UNC5A: variants seen among roughly 807,000 people sequenced by gnomAD.
The protein encoded by UNC5A is netrin receptor UNC5A.
In UNC5A, 20 loss-of-function variants were observed where a neutral mutation model predicts 87.4. That is an observed-to-expected ratio of 0.23 (90% CI 0.16 to 0.33). The LOEUF (loss-of-function observed/expected upper bound fraction) is 0.33. Ranked by LOEUF, UNC5A falls within the 10% of genes least tolerant of loss-of-function variation. The pLI is 1.00. For missense variants in UNC5A, 844 were observed against 1,133.4 expected (o/e 0.74, Z 3.67); for synonymous variants, 438 against 482.3 (o/e 0.91, Z 1.20).
At position 176,868,622 on chromosome 5, in the gene UNC5A, C is replaced by T. The variant is rs752157930; in HGVS notation, c.498C>T (p.Ile166=). ...AGGAGGTGTCCCTGGAGCAGGGCAT[C>T]GTGCTGCCCTGCCGTCCACCGGAGG... is the stretch of plus-strand genomic sequence containing the variant. ...LAKEVSLEQG[I]VLPCRPPEGI... is the part of the protein sequence containing the mutation. The change falls in exon 4 of 15, where the codon ATC becomes ATT. Residue 166 remains isoleucine (I), a synonymous_variant. Coordinates refer to ENST00000329542, the MANE Select transcript of UNC5A (RefSeq NM_133369.3). 3.7e-6 allele frequency: 6 copies of T among 1,606,232 alleles called. No homozygotes were observed. The highest frequency in any genetic ancestry group is 2.2e-5 in the South Asian group (2 of 90,260).
chr5:176,833,520 T>C (rs1420171471), intron 1 of UNC5A, among the ~76,000 whole-genome samples: 2 of 152,154 alleles, frequency 1.3e-5, no homozygotes, highest in Non-Finnish European at 2.9e-5. Context: ...ATGTACCACA[T>C]GTTCTTTATC....
intron 1 of UNC5A, among the ~76,000 whole-genome samples, chr5:176,858,086 C>T (rs1158871728): frequency 6.6e-6 from 1 of 152,230 alleles, no homozygotes; most frequent in Non-Finnish European, 1.5e-5. Context: ...GCGGTAGGCA[C>T]CCCACCCCGA....
In UNC5A at chr5:176,869,726, C is replaced by T. The variant is rs577343870; in HGVS notation, c.722-644C>T. On this transcript the variant is annotated intron_variant, in intron 5 of 14. Coordinates refer to ENST00000329542, the MANE Select transcript of UNC5A (RefSeq NM_133369.3). The surrounding 1 kb of genome is among the most constrained non-coding windows in gnomAD (Gnocchi z 9.1). ...CCAACCCGGCGCCTCTCAACGGGGG[C>T]GCTTTCTGTGAGGGGCAGAATGTCC... 34 of 656,054 alleles carry T rather than the reference C, an allele frequency of 5.2e-5. No homozygotes were observed. Among genetic ancestry groups the T allele is most frequent in the Admixed American group, 2.7e-4 (12 of 44,874 alleles). 40.6% of individuals were successfully genotyped at this position (656,054 alleles called of 1,614,324 possible). A position where few individuals can be genotyped will look rare whatever the true frequency, so the allele number is the denominator to read the frequency against.
At chr5:176,843,935 C>A (rs1000625707) in intron 1 of UNC5A, among the ~76,000 whole-genome samples, 1 of 152,262 alleles carries the variant, frequency 6.6e-6, no homozygotes, top group African/African-American at 2.4e-5. Context: ...TCCCGCTGAT[C>A]GTGTGAGGCG....
rs1757347066 is a variant in UNC5A at position 176,844,205 on chromosome 5, A to G, written c.71-18419A>G. Among the ~76,000 whole-genome samples the G allele has an allele frequency of 6.6e-6, 1 of 152,156 alleles. No homozygotes were observed. On this transcript the variant is annotated intron_variant, in intron 1 of 14. Transcript: ENST00000329542. The surrounding 1 kb of genome is among the most constrained non-coding windows in gnomAD (Gnocchi z 4.2). ...ATTGTAGCGTCTCAGGGGACAGATC[A>G]GAGGCCCCAGGCCTTGCCTGATCCT...
At chr5:176,852,246 A>T (rs1297552183) in intron 1 of UNC5A, among the ~76,000 whole-genome samples, 3 of 151,972 alleles carry the variant, frequency 2.0e-5, no homozygotes, top group Non-Finnish European at 4.4e-5. Context: ...GCTCACACAC[A>T]CTCACACACA....
intron 1 of UNC5A, among the ~76,000 whole-genome samples, chr5:176,835,303 G>T (rs1039591672): frequency 1.3e-5 from 2 of 152,240 alleles, no homozygotes; most frequent in African/African-American, 4.8e-5. Flanking sequence ...GGGGCTCAGG[G>T]CCACCTGCCA....
intron 1 of UNC5A, among the ~76,000 whole-genome samples, chr5:176,842,442 A>T (rs146214908): frequency 6.6e-6 from 1 of 152,074 alleles, no homozygotes; most frequent in Non-Finnish European, 1.5e-5. Context: ...ACAATTGCAC[A>T]GTCGTGGAAC....
Position 176,878,666 on chromosome 5 carries a change from C to T in UNC5A, c.2184+27C>T, listed in dbSNP as rs570859484. 11 of 1,596,564 alleles carry T rather than the reference C, an allele frequency of 6.9e-6. No homozygotes were observed. In the East Asian group the frequency reaches 9.0e-5, roughly 13 times the overall value. ...TGGACGGGAGGGGCTGCCGCACCGC[C>T]GTGACGTGCTCCCACTACCAACTCC... On this transcript the variant is annotated intron_variant, in intron 13 of 14. Transcript: ENST00000329542.
At chr5:176,852,919 A>G (rs1297817502) in intron 1 of UNC5A, among the ~76,000 whole-genome samples, 1 of 152,226 alleles carries the variant, frequency 6.6e-6, no homozygotes, top group Non-Finnish European at 1.5e-5. Context: ...GACATGTTTT[A>G]CGGAAGAGTA....
rs1437716920 is a variant in UNC5A, at chr5:176,810,981, G to T, written c.70+161G>T. ...CGCGGGGGGCTCTTCTTGCTGCTGC[G>T]CAGCTTCCCCGCGCGCTCTCCCGGA... is the stretch of plus-strand genomic sequence containing the variant. On this transcript the variant is annotated intron_variant, in intron 1 of 14. Coordinates refer to ENST00000329542, the MANE Select transcript of UNC5A (RefSeq NM_133369.3). The surrounding 1 kb of genome is among the most constrained non-coding windows in gnomAD (Gnocchi z 7.3). Among the ~76,000 whole-genome samples the T allele has an allele frequency of 6.6e-6, 1 of 151,976 alleles. No individual in the cohort carries two copies. Among genetic ancestry groups the T allele is most frequent in the African/African-American group, 2.4e-5 (1 of 41,394 alleles).
intron 6 of UNC5A, among the ~76,000 whole-genome samples, chr5:176,871,021 CG>C (rs1561666775): frequency 4.9e-5 from 2 of 40,904 alleles, no homozygotes; most frequent in South Asian, 1.2e-3. Context: ...TGCCCACACT[CG>C]CCCCACACCA....
chr5:176,879,912 T>C lies in UNC5A; in HGVS notation c.*26T>C, dbSNP rs1450576866. 1 of 1,599,636 alleles carries C rather than the reference T, an allele frequency of 6.3e-7. No homozygotes were observed. The highest frequency in any genetic ancestry group is 1.3e-5 in the African/African-American group (1 of 74,530). ...GGCCGGCCAGGCCCGACACCTACAC[T>C]CTCACCAGCTTTGGCACCCACCAAG... On this transcript the variant is annotated 3_prime_UTR_variant, in exon 15 of 15. Coordinates refer to ENST00000329542, the MANE Select transcript of UNC5A (RefSeq NM_133369.3).
intron 1 of UNC5A, among the ~76,000 whole-genome samples, chr5:176,846,827 TG>T (rs1246189002): frequency 1.3e-5 from 2 of 152,118 alleles, no homozygotes; most frequent in Non-Finnish European, 2.9e-5. Context: ...CGGAGGGAGC[TG>T]GGGCTGCTGG....
intron 1 of UNC5A, among the ~76,000 whole-genome samples, chr5:176,825,649 C>T (rs1184647579): frequency 3.9e-5 from 6 of 152,126 alleles, no homozygotes; most frequent in South Asian, 2.1e-4. Context: ...TGTACTTGCA[C>T]GAAAGCTCTC....
intron 1 of UNC5A, among the ~76,000 whole-genome samples, chr5:176,861,498 G>A (rs773319974): frequency 1.4e-4 from 21 of 152,328 alleles, no homozygotes; most frequent in Non-Finnish European, 2.2e-4. Context: ...GGGTCCCTGC[G>A]CAAGCAGGAG....
Position 176,866,890 on chromosome 5 carries a change from T to G in UNC5A, c.293-1240T>G, listed in dbSNP as rs1757987919. 6.6e-6 allele frequency among the ~76,000 whole-genome samples: 1 copy of G among 152,142 alleles called. No individual in the cohort carries two copies. The highest frequency in any genetic ancestry group is 1.5e-5 in the Non-Finnish European group (1 of 68,032). ...CCATGATCTCACCAGAGGTGACAGC[T>G]CTGCCATCTCCTATGATAGCTGGCC... On this transcript the variant is annotated intron_variant, in intron 2 of 14. Transcript: ENST00000329542. This position sits in a 1 kb window ranked among gnomAD's most constrained non-coding sequence, Gnocchi z 5.0.
chr5:176,879,876 C>CTTTTTTAA lies in UNC5A; in HGVS notation c.2520_2521insTTTTTAAT (p.Glu841PhefsTer136). The CTTTTTTAA allele has an allele frequency of 6.2e-7, 1 of 1,610,582 alleles. No individual in the cohort carries two copies. The highest frequency in any genetic ancestry group is 8.5e-7 in the Non-Finnish European group (1 of 1,179,170). ...GCTGGCCTCTTCACAGTGTCGGAGGCTGAGTGCTGAGGCCGGCCAGGCCCG... is the reference window on the plus strand; with the variant it reads ...GCTGGCCTCTTCACAGTGTCGGAGGCTTTTTTAATGAGTGCTGAGGCCGGCCAGGCCCG... On this transcript the variant is annotated frameshift_variant, in exon 15 of 15. Coordinates refer to ENST00000329542, the MANE Select transcript of UNC5A (RefSeq NM_133369.3). LOFTEE classifies it high-confidence loss of function.
At position 176,848,380 on chromosome 5, in the gene UNC5A, C is replaced by T. The variant is rs868279500; in HGVS notation, c.71-14244C>T. Among the ~76,000 whole-genome samples the T allele has an allele frequency of 5.9e-5, 9 of 152,166 alleles. No homozygotes were observed. Among genetic ancestry groups the T allele is most frequent in the Admixed American group, 5.2e-4 (8 of 15,286 alleles). ...CTGCATAGTGACACTGAGGCCACCC[C>T]TCTCTTTCCTCCATGTTCCTCCAAG... is the stretch of plus-strand genomic sequence containing the variant. On this transcript the variant is annotated intron_variant, in intron 1 of 14. Coordinates refer to ENST00000329542, the MANE Select transcript of UNC5A (RefSeq NM_133369.3). This position sits in a 1 kb window ranked among gnomAD's most constrained non-coding sequence, Gnocchi z 5.8.
Sources: allele counts gnomAD v4.1 joint callset (sites outside exome capture counted in the v4.1 genomes callset), GRCh38; gene constraint gnomAD v4.1.1; non-coding constraint Gnocchi (gnomAD v3.1); transcripts MANE v1.5; gene names NCBI Gene and HGNC (gene_info 2026-07-23, HGNC 2026-07-21).